Variants in GPATCH1 observed in about 807,000 individuals in gnomAD.
GPATCH1 encodes G patch domain-containing protein 1.
A neutral mutation model predicts 114.9 loss-of-function variants in GPATCH1; 73 were observed. The ratio of observed to expected loss-of-function variants is 0.64; its 90% CI spans 0.53 to 0.77. The LOEUF (loss-of-function observed/expected upper bound fraction) is 0.77. Ranked by LOEUF, GPATCH1 falls within the 30% of genes least tolerant of loss-of-function variation. The pLI is 0.00. For synonymous variants in GPATCH1, 391 were observed against 428.4 expected (o/e 0.91, Z 1.08); for missense variants, 1,058 against 1,144.3 (o/e 0.92, Z 1.09).
chr19:33,094,642 A>T (rs1354663215), intron 5 of GPATCH1, among the ~76,000 whole-genome samples: 1 of 152,132 alleles, frequency 6.6e-6, no homozygotes, highest in Non-Finnish European at 1.5e-5. Flanking sequence ...AGGCTGTGCT[A>T]GTTTATGCTT....
At chr19:33,084,597 C>T (rs955690202) in intron 1 of GPATCH1, among the ~76,000 whole-genome samples, 5 of 152,110 alleles carry the variant, frequency 3.3e-5, no homozygotes, top group South Asian at 4.1e-4. Flanking sequence ...TTCCATCTTC[C>T]GCTCATTCCT....
intron 5 of GPATCH1, among the ~76,000 whole-genome samples, chr19:33,095,561 C>G (rs76702323): frequency 1.3e-5 from 2 of 151,688 alleles, no homozygotes; most frequent in Non-Finnish European, 2.9e-5. Context: ...CTGCGCCCAG[C>G]CTTTTTTTTT....
intron 9 of GPATCH1, 107 bp from the exon 10 acceptor site, chr19:33,106,588 C>T (rs1972787205): frequency 5.8e-6 from 5 of 861,870 alleles, no homozygotes; most frequent in East Asian, 4.9e-5. Flanking sequence ...GAGTGTTAAC[C>T]CGGGAAGGGG....
In GPATCH1 at chr19:33,125,023, T is replaced by C; in HGVS notation, c.2522-82T>C. The C allele has an allele frequency of 3.5e-6, 5 of 1,444,950 alleles. No individual in the cohort carries two copies. In the South Asian group the frequency reaches 3.8e-5, roughly 11 times the overall value. 89.5% of individuals were successfully genotyped at this position (1,444,950 alleles called of 1,614,324 possible). A position where few individuals can be genotyped will look rare whatever the true frequency, so the allele number is the denominator to read the frequency against. ...CATTCCATCTACACTAGATGCCTGA[T>C]TCAGCAGTTTAGGAGCTTAGTTTTG... On this transcript the variant is annotated intron_variant, in intron 17 of 19. Coordinates refer to ENST00000170564, the MANE Select transcript of GPATCH1 (RefSeq NM_018025.3).
chr19:33,126,634 A>G lies in GPATCH1; in HGVS notation c.2666A>G (p.Lys889Arg), dbSNP rs1377409985. ...KHKHKGKQKN[K>R]KPEKSSSSES... ...AAACACAAAGGCAAGCAAAAGAATA[A>G]AAAACCAGAGAAAAGTAGTAGCTCC... The change falls in exon 19 of 20, where the codon AAA becomes AGA. Residue 889 changes from lysine (K) to arginine (R), a missense_variant. Lys to Arg is a conservative substitution (Grantham distance 26, BLOSUM62 2). Transcript: ENST00000170564. 6.2e-7 allele frequency: 1 copy of G among 1,614,074 alleles called. No homozygotes were observed. The highest frequency in any genetic ancestry group is 2.2e-5 in the East Asian group (1 of 44,890).
chr19:33,094,388 G>A, intron 5 of GPATCH1, 119 bp downstream of exon 5: 1 of 625,166 alleles, frequency 1.6e-6, no homozygotes, highest in South Asian at 1.8e-5. Flanking sequence ...CCGGCATACT[G>A]CAGCCTTGAC....
intron 5 of GPATCH1, among the ~76,000 whole-genome samples, chr19:33,095,070 G>C (rs1331409328): frequency 6.6e-6 from 1 of 152,062 alleles, no homozygotes; most frequent in Non-Finnish European, 1.5e-5. Flanking sequence ...AGGAGAGTGA[G>C]GTGGGAGGAT....
intron 16 of GPATCH1, among the ~76,000 whole-genome samples, chr19:33,118,686 C>T (rs1168410431): frequency 6.6e-6 from 1 of 152,164 alleles, no homozygotes; most frequent in Non-Finnish European, 1.5e-5. Context: ...GATTTTCCTT[C>T]TCAGATGGCC....
At chr19:33,103,583 C>A (rs1459607968) in intron 9 of GPATCH1, among the ~76,000 whole-genome samples, 1 of 151,138 alleles carries the variant, frequency 6.6e-6, no homozygotes, top group Non-Finnish European at 1.5e-5. Context: ...TGTCTGTAAA[C>A]CCAGCTACTT....
At chr19:33,094,975 G>A (rs1342352092) in intron 5 of GPATCH1, among the ~76,000 whole-genome samples, 4 of 152,062 alleles carry the variant, frequency 2.6e-5, no homozygotes, top group African/African-American at 7.2e-5. Context: ...ACCAGCCTGG[G>A]CAACACGGTG....
Position 33,093,353 on chromosome 19 carries a change from T to C in GPATCH1, c.295-6T>C, listed in dbSNP as rs1972618131. On this transcript the variant is annotated splice_region_variant and splice_polypyrimidine_tract_variant and intron_variant, in intron 3 of 19. Coordinates refer to ENST00000170564, the MANE Select transcript of GPATCH1 (RefSeq NM_018025.3). ...ATAATGTAATTCTGTTTGAATTTTT[T>C]TGAAGGATCTTAGTGAATTTGGGAT... 6.3e-7 allele frequency: 1 copy of C among 1,599,748 alleles called. No homozygotes were observed. Among genetic ancestry groups the C allele is most frequent in the Admixed American group, 1.7e-5 (1 of 59,636 alleles).
chr19:33,108,178 G>A (rs768516881), intron 10 of GPATCH1, among the ~76,000 whole-genome samples: 6 of 151,924 alleles, frequency 3.9e-5, no homozygotes, highest in Admixed American at 6.6e-5. Flanking sequence ...CACCTGGACC[G>A]TTGCTGCAGT....
At position 33,088,182 on chromosome 19, in the gene GPATCH1, A is replaced by T; in HGVS notation, c.122A>T (p.Asp41Val). The change falls in exon 2 of 20, where the codon GAT (aspartate) becomes GTT (valine). Residue 41 changes from aspartate (D) to valine (V), a missense_variant. Asp to Val is a radical substitution (Grantham distance 152). Around this residue, in one of 3 missense-constraint regions of GPATCH1, gnomAD observed 131 missense variants for 107.2 expected, o/e 1.22. Coordinates refer to ENST00000170564, the MANE Select transcript of GPATCH1 (RefSeq NM_018025.3). ...PIPLQDQTVR[D>V]EKGRYKRFHG... ...CCTCTTCAGGATCAGACTGTCAGAG[A>T]TGAAAAAGGAAGGTATAAACGATTC... 1 of 1,590,532 alleles carries T rather than the reference A, an allele frequency of 6.3e-7. No individual in the cohort carries two copies. Among genetic ancestry groups the T allele is most frequent in the South Asian group, 1.1e-5 (1 of 89,620 alleles).
At chr19:33,096,502 C>A in intron 7 of GPATCH1, 56 bp downstream of exon 7, 1 of 1,406,318 alleles carries the variant, frequency 7.1e-7, no homozygotes, top group Non-Finnish European at 9.7e-7. Context: ...AGTCTACTTT[C>A]TTTCTTTCTT....
chr19:33,122,148 A>T lies in GPATCH1; in HGVS notation c.2522-2957A>T, dbSNP rs181808333. Among the ~76,000 whole-genome samples, 604 of 151,600 alleles carry T rather than the reference A, an allele frequency of 4.0e-3. 5 individuals are homozygous for T. Among genetic ancestry groups the T allele is most frequent in the Middle Eastern group, 0.017 (5 of 292 alleles). On this transcript the variant is annotated intron_variant, in intron 17 of 19. Coordinates refer to ENST00000170564, the MANE Select transcript of GPATCH1 (RefSeq NM_018025.3). ...ATTCTCCTTCCTCAGCCTCTGGAGT[A>T]ACTGGGATTACAGGTGCCTGGCTAA...
intron 19 of GPATCH1, among the ~76,000 whole-genome samples, chr19:33,128,262 A>T (rs947470206): frequency 1.3e-5 from 2 of 151,022 alleles, no homozygotes; most frequent in African/African-American, 2.4e-5. Context: ...TAATTTTTTT[A>T]AAAAATCATT....
chr19:33,101,454 C>T (rs372266649), intron 8 of GPATCH1, 41 bp from the exon 9 acceptor site: 7 of 1,072,928 alleles, frequency 6.5e-6, no homozygotes, highest in Non-Finnish European at 1.0e-5. Context: ...TTATTCTAAT[C>T]ATCTCTACTT....
chr19:33,126,589 AAAAG>A lies in GPATCH1; in HGVS notation c.2625_2628del (p.Lys875AsnfsTer45). The A allele has an allele frequency of 6.2e-7, 1 of 1,611,796 alleles. No individual in the cohort carries two copies. Among genetic ancestry groups the A allele is most frequent in the Non-Finnish European group, 8.5e-7 (1 of 1,179,412 alleles). On this transcript the variant is annotated frameshift_variant and splice_region_variant, in exon 19 of 20. Coordinates refer to ENST00000170564, the MANE Select transcript of GPATCH1 (RefSeq NM_018025.3). LOFTEE classifies it high-confidence loss of function. ...CCCACCACTATTTGTTTTTTACAGA[AAAAG>A]AAACACAGGAAGCACAAACACAAAG...
chr19:33,119,741 C>T (rs1972956099), intron 17 of GPATCH1, among the ~76,000 whole-genome samples: 1 of 150,138 alleles, frequency 6.7e-6, no homozygotes, highest in Admixed American at 6.7e-5. Context: ...ATGGCTCTAG[C>T]TGGGCTGGTG....
Sources: allele counts gnomAD v4.1 joint callset (sites outside exome capture counted in the v4.1 genomes callset), GRCh38; gene constraint gnomAD v4.1.1; regional missense constraint gnomAD v4.1.1; transcripts MANE v1.5; gene names NCBI Gene and HGNC (gene_info 2026-07-23, HGNC 2026-07-21).